The following ZW10 variants were observed in gnomAD, a reference collection of about 807,000 sequenced individuals.
The protein encoded by ZW10 is zw10 kinetochore protein, also known as centromere/kinetochore protein zw10 homolog.
In ZW10, 53 loss-of-function variants were observed where a neutral mutation model predicts 87.8. The ratio of observed to expected loss-of-function variants is 0.60; its 90% CI spans 0.48 to 0.76. The LOEUF is 0.76. Ranked by LOEUF, ZW10 falls within the 30% of genes least tolerant of loss-of-function variation. The pLI, the probability that ZW10 is intolerant of heterozygous loss-of-function variation, is 0.00. For synonymous variants in ZW10, 312 were observed against 329.2 expected, an observed-to-expected ratio of 0.95 and a Z score of 0.57; for missense variants, 837 against 923.0, an observed-to-expected ratio of 0.91 and a Z score of 1.21.
intron 7 of ZW10, among the ~76,000 whole-genome samples, chr11:113,751,849 G>A (rs988449499): frequency 6.6e-6 from 1 of 151,002 alleles, no homozygotes; most frequent in Non-Finnish European, 1.5e-5. Context: ...CAGCCTGGGC[G>A]ACAGAGCGAG....
intron 7 of ZW10, among the ~76,000 whole-genome samples, chr11:113,752,460 A>G (rs1470620248): frequency 6.6e-6 from 1 of 152,012 alleles, no homozygotes; most frequent in Non-Finnish European, 1.5e-5. Context: ...TTGGGGTTTT[A>G]TTTTCAAATT....
intron 9 of ZW10, among the ~76,000 whole-genome samples, chr11:113,746,118 A>C (rs1056466879): frequency 1.3e-5 from 2 of 152,240 alleles, no homozygotes; most frequent in African/African-American, 4.8e-5. Flanking sequence ...CACAGCGAAG[A>C]ATTAGCCGGT....
At chr11:113,738,430 C>A in intron 12 of ZW10, 36 bp from the exon 13 acceptor site, 1 of 1,602,524 alleles carries the variant, frequency 6.2e-7, no homozygotes, top group Non-Finnish European at 8.5e-7. Context: ...ATTTTAAAAG[C>A]TGCTCAATTA....
chr11:113,742,329 G>T (rs1433318552), intron 10 of ZW10, among the ~76,000 whole-genome samples: 1 of 152,112 alleles, frequency 6.6e-6, no homozygotes, highest in Admixed American at 6.5e-5. Flanking sequence ...ACTTTTAAAA[G>T]GCAAACATAA....
intron 5 of ZW10, among the ~76,000 whole-genome samples, chr11:113,759,986 G>A (rs923268519): frequency 1.3e-5 from 2 of 152,112 alleles, no homozygotes; most frequent in Non-Finnish European, 2.9e-5. Flanking sequence ...CATTTCTAGG[G>A]AACAGGACAG....
In ZW10 at chr11:113,748,359, C is replaced by T. The variant is rs778654563; in HGVS notation, c.987G>A (p.Met329Ile). Residue 329 changes from methionine (M) to isoleucine (I), a missense_variant, in exon 8 of 16, where the codon ATG (methionine) becomes ATA (isoleucine). Transcript: ENST00000200135. ...EKTSTVPLAE[M>I]LGDMIWEDLS... ...AGTCCTCCCAGATCATGTCTCCAAG[C>T]ATCTCAGCCAATGGGACAGTAGATG... The T allele has an allele frequency of 2.5e-6, 4 of 1,613,752 alleles. 1 individual carries two copies. In the South Asian group the frequency reaches 3.3e-5, roughly 13 times the overall value.
chr11:113,739,100 T>C, intron 12 of ZW10, 113 bp downstream of exon 12: 3 of 1,192,632 alleles, frequency 2.5e-6, no homozygotes, highest in Non-Finnish European at 3.5e-6. Flanking sequence ...CACTTTCTGA[T>C]ACAGCTCAGG....
chr11:113,761,959 G>A (rs1355858033), intron 2 of ZW10, among the ~76,000 whole-genome samples: 3 of 151,994 alleles, frequency 2.0e-5, no homozygotes, highest in Admixed American at 1.3e-4. Context: ...GTTCCTAACT[G>A]TTCTTGCCAA....
intron 15 of ZW10, among the ~76,000 whole-genome samples, chr11:113,736,303 A>G (rs1467215538): frequency 6.6e-6 from 1 of 151,732 alleles, no homozygotes; most frequent in African/African-American, 2.4e-5. Flanking sequence ...ACTGCTCCTT[A>G]AAGTGAGCAA....
Position 113,736,717 on chromosome 11 carries a change from T to C in ZW10, c.2122A>G (p.Lys708Glu). ...APLSEESKNKKYQEEVPVYVP... is the reference protein window; with the variant it reads ...APLSEESKNKEYQEEVPVYVP... ...TAGACTGGAACCTCTTCTTGATATT[T>C]CTTGTTCTTGCTTTCTTCAGATAAA... The change falls in exon 15 of 16, where the codon AAA becomes GAA. Residue 708 changes from lysine to glutamate, a missense_variant. Coordinates refer to ENST00000200135, the MANE Select transcript of ZW10 (RefSeq NM_004724.4). 6.2e-7 allele frequency: 1 copy of C among 1,614,240 alleles called. No individual in the cohort carries two copies. Among genetic ancestry groups the C allele is most frequent in the Non-Finnish European group, 8.5e-7 (1 of 1,180,042 alleles).
intron 7 of ZW10, among the ~76,000 whole-genome samples, chr11:113,756,546 C>T (rs12226708): frequency 0.033 from 5,041 of 152,162 alleles, 434 homozygotes; most frequent in East Asian, 0.3. Context: ...CTGGCATTTT[C>T]GTAGTACTAT....
chr11:113,735,330 C>T (rs998651879), intron 15 of ZW10, among the ~76,000 whole-genome samples: 5 of 152,072 alleles, frequency 3.3e-5, no homozygotes, highest in South Asian at 4.2e-4. Context: ...ATCTGCTGCC[C>T]TCTGGAGCCT....
intron 15 of ZW10, among the ~76,000 whole-genome samples, chr11:113,735,962 T>C (rs1953547100): frequency 6.6e-6 from 1 of 152,106 alleles, no homozygotes; most frequent in African/African-American, 2.4e-5. Context: ...TATATCAAAG[T>C]AATTCTGAAA....
At chr11:113,741,359 A>T (rs1201125675) in intron 11 of ZW10, among the ~76,000 whole-genome samples, 1 of 152,228 alleles carries the variant, frequency 6.6e-6, no homozygotes, top group Non-Finnish European at 1.5e-5. Context: ...TATGAAAAAC[A>T]TCTAAACATT....
At chr11:113,752,751 G>A (rs1953746855) in intron 7 of ZW10, among the ~76,000 whole-genome samples, 1 of 152,062 alleles carries the variant, frequency 6.6e-6, no homozygotes, top group Non-Finnish European at 1.5e-5. Context: ...TATCTCCTAG[G>A]GTTTCCCTAT....
chr11:113,770,508 T>G (rs1953953024), intron 1 of ZW10: 1 of 151,846 alleles, frequency 6.6e-6, no homozygotes, highest in Admixed American at 6.6e-5. Context: ...ATTCAACAGT[T>G]AAAGCCATTG....
At chr11:113,746,278 C>T (rs1022552310) in intron 9 of ZW10, among the ~76,000 whole-genome samples, 2 of 152,050 alleles carry the variant, frequency 1.3e-5, no homozygotes, top group African/African-American at 4.8e-5. Flanking sequence ...TCTCACAGTA[C>T]AGAAGAGGAA....
chr11:113,760,711 A>G, intron 3 of ZW10, 106 bp downstream of exon 3: 1 of 1,208,346 alleles, frequency 8.3e-7, no homozygotes, highest in Non-Finnish European at 1.1e-6. Flanking sequence ...AAAAGAAAGA[A>G]AAAAAAATAT....
intron 7 of ZW10, among the ~76,000 whole-genome samples, chr11:113,752,204 T>C (rs1953740650): frequency 6.6e-6 from 1 of 152,170 alleles, no homozygotes; most frequent in Non-Finnish European, 1.5e-5. Flanking sequence ...TAATCAAAGA[T>C]TAAAAAATGG....
Sources: allele counts gnomAD v4.1 joint callset (sites outside exome capture counted in the v4.1 genomes callset), GRCh38; gene constraint gnomAD v4.1.1; transcripts MANE v1.5; gene names NCBI Gene and HGNC (gene_info 2026-07-23, HGNC 2026-07-21).